Variants in DAB1 observed in about 807,000 individuals in gnomAD.
The protein encoded by DAB1 is DAB adaptor protein 1.
DAB1 carries 15 observed loss-of-function variants against 64.6 expected under a neutral mutation model. The observed-to-expected ratio is 0.23, with a 90% confidence interval of 0.16 to 0.36. The LOEUF (loss-of-function observed/expected upper bound fraction) is 0.36, where lower values mean the gene tolerates loss of function less well. Ranked by LOEUF, DAB1 falls within the 10% of genes least tolerant of loss-of-function variation. The pLI, the probability that DAB1 is intolerant of heterozygous loss-of-function variation, is 1.00. For missense variants in DAB1, 596 were observed against 706.7 expected (o/e 0.84, Z 1.78); for synonymous variants, 235 against 251.9 (o/e 0.93, Z 0.64).
chr1:57,555,907 G>A (rs911698795), intron 7 of DAB1, among the ~76,000 whole-genome samples: 2 of 152,030 alleles, frequency 1.3e-5, no homozygotes, highest in African/African-American at 4.8e-5. Context: ...ATTTAAAAAT[G>A]ACCCCTTTTT....
chr1:57,914,004 A>T (rs1348040827), intron 5 of DAB1, among the ~76,000 whole-genome samples: 1 of 152,200 alleles, frequency 6.6e-6, no homozygotes, highest in East Asian at 1.9e-4. Flanking sequence ...GTGGGACTGT[A>T]AACCAGTTCA....
At chr1:57,422,678 G>GC (rs1414620003) in intron 1 of DAB1, among the ~76,000 whole-genome samples, 2 of 152,086 alleles carry the variant, frequency 1.3e-5, no homozygotes, top group Non-Finnish European at 2.9e-5. Context: ...AAGCGGAAGT[G>GC]CCCCAGCAGA....
chr1:58,383,496 G>A (rs1215594327), intron 3 of DAB1, among the ~76,000 whole-genome samples: 2 of 152,110 alleles, frequency 1.3e-5, no homozygotes, highest in Non-Finnish European at 2.9e-5. Context: ...AATGTTCTCT[G>A]CCAATACCAT....
chr1:57,470,229 T>C (rs1045219971), intron 7 of DAB1, among the ~76,000 whole-genome samples: 3 of 152,228 alleles, frequency 2.0e-5, no homozygotes, highest in African/African-American at 7.2e-5. Context: ...TGCATGCTCA[T>C]GTTACTCTCA....
chr1:57,297,614 G>C (rs991352388), intron 1 of DAB1, among the ~76,000 whole-genome samples: 1 of 152,096 alleles, frequency 6.6e-6, no homozygotes, highest in Non-Finnish European at 1.5e-5. Context: ...GTGATACTAA[G>C]TAAAGGGCAT....
At chr1:57,759,688 T>C (rs1289372472) in intron 6 of DAB1, among the ~76,000 whole-genome samples, 1 of 152,148 alleles carries the variant, frequency 6.6e-6, no homozygotes, top group Non-Finnish European at 1.5e-5. Flanking sequence ...ATTAACATTC[T>C]ACAGGATTAT....
At chr1:58,342,130 C>T (rs371968871) in intron 4 of DAB1, among the ~76,000 whole-genome samples, 4 of 152,144 alleles carry the variant, frequency 2.6e-5, no homozygotes, top group Admixed American at 2.0e-4. Context: ...CATTTAATTC[C>T]GAAATGCCAA....
chr1:58,345,804 G>C (rs1157912991), intron 3 of DAB1, among the ~76,000 whole-genome samples: 1 of 152,174 alleles, frequency 6.6e-6, no homozygotes, highest in South Asian at 2.1e-4. Flanking sequence ...ATATAAGGAG[G>C]CTCCTGCTAG....
At chr1:58,044,190 G>C (rs1647192215) in intron 5 of DAB1, among the ~76,000 whole-genome samples, 1 of 152,150 alleles carries the variant, frequency 6.6e-6, no homozygotes, top group African/African-American at 2.4e-5. Flanking sequence ...TGGTAAGTTG[G>C]AGACCAGAAG....
chr1:57,902,303 T>C (rs1193081644), intron 5 of DAB1, among the ~76,000 whole-genome samples: 2 of 152,156 alleles, frequency 1.3e-5, no homozygotes, highest in Non-Finnish European at 2.9e-5. Context: ...ACCTTTTCTA[T>C]ATATTTTTTT....
At chr1:58,425,250 A>G (rs1044530338) in intron 3 of DAB1, among the ~76,000 whole-genome samples, 3 of 152,208 alleles carry the variant, frequency 2.0e-5, no homozygotes, top group Non-Finnish European at 4.4e-5. Context: ...TTGTGAGCCT[A>G]AAGATTTTCT....
At chr1:57,400,745 G>C (rs920997465) in intron 1 of DAB1, among the ~76,000 whole-genome samples, 4 of 151,846 alleles carry the variant, frequency 2.6e-5, no homozygotes, top group Admixed American at 1.3e-4. Context: ...TGGGGAGAGA[G>C]AAGCAATCAT....
chr1:57,337,314 C>G (rs1276842552), intron 1 of DAB1, among the ~76,000 whole-genome samples: 1 of 152,218 alleles, frequency 6.6e-6, no homozygotes, highest in Non-Finnish European at 1.5e-5. Flanking sequence ...CTTTATTTCT[C>G]TGACCACCAC....
At chr1:57,887,169 T>G (rs1644236006), upstream of DAB1, among the ~76,000 whole-genome samples, 4 of 152,328 alleles carry the variant, frequency 2.6e-5, no homozygotes, top group African/African-American at 9.6e-5. Context: ...GGTAGTTTTC[T>G]TTCCAGGAAT....
intron 3 of DAB1, among the ~76,000 whole-genome samples, chr1:58,432,855 C>T (rs926250908): frequency 2.0e-5 from 3 of 152,212 alleles, no homozygotes. Flanking sequence ...TCTTTCAGGG[C>T]TCCATGGCTG....
At chr1:57,117,984 T>A (rs1290454337) in intron 4 of DAB1, among the ~76,000 whole-genome samples, 3 of 152,276 alleles carry the variant, frequency 2.0e-5, no homozygotes, top group East Asian at 3.9e-4. Context: ...AGGCTAAGAA[T>A]ACAGCCAGGC....
At chr1:58,378,150 T>C (rs1233655957) in intron 3 of DAB1, among the ~76,000 whole-genome samples, 1 of 126,248 alleles carries the variant, frequency 7.9e-6, no homozygotes, top group African/African-American at 3.1e-5. Flanking sequence ...TCAGAGTAAT[T>C]TGATCGTCTG....
chr1:58,322,750 A>G (rs867975490), intron 4 of DAB1, among the ~76,000 whole-genome samples: 1 of 152,216 alleles, frequency 6.6e-6, no homozygotes. Context: ...GTATATACCC[A>G]AAGGATTATA....
chr1:57,361,899 A>C (rs1679581934), intron 1 of DAB1, among the ~76,000 whole-genome samples: 1 of 152,190 alleles, frequency 6.6e-6, no homozygotes, highest in African/African-American at 2.4e-5. Flanking sequence ...ACAGGTAATG[A>C]TACAACAATC....
Sources: allele counts gnomAD v4.1 joint callset (sites outside exome capture counted in the v4.1 genomes callset), GRCh38; gene constraint gnomAD v4.1.1; transcripts MANE v1.5; gene names NCBI Gene and HGNC (gene_info 2026-07-23, HGNC 2026-07-21).